RNF220: variants seen among roughly 807,000 people sequenced by gnomAD.
RNF220 encodes the protein ring finger protein 220.
RNF220 carries 7 observed loss-of-function variants against 67.1 expected under a neutral mutation model. The ratio of observed to expected loss-of-function variants is 0.10; its 90% CI spans 0.06 to 0.20. RNF220 has a LOEUF of 0.20. Among genes scored for constraint, RNF220 ranks in the 10% least tolerant of loss-of-function variants. The pLI is 1.00. For synonymous variants in RNF220, 270 were observed against 283.2 expected (o/e 0.95, Z 0.47); for missense variants, 565 against 740.3 (o/e 0.76, Z 2.75).
chr1:44,517,007 GAA>G (rs1392531769), intron 2 of RNF220, among the ~76,000 whole-genome samples: 1 of 152,066 alleles, frequency 6.6e-6, no homozygotes, highest in African/African-American at 2.4e-5. Flanking sequence ...GTCCAAGCCA[GAA>G]ACCTGGGAAT....
At chr1:44,589,348 C>T (rs1032632384) in intron 2 of RNF220, among the ~76,000 whole-genome samples, 2 of 152,194 alleles carry the variant, frequency 1.3e-5, no homozygotes, top group African/African-American at 4.8e-5. Flanking sequence ...GGCGTGGTGG[C>T]TCACGCCTGT....
intron 2 of RNF220, among the ~76,000 whole-genome samples, chr1:44,435,177 G>A (rs758874550): frequency 2.1e-4 from 32 of 152,036 alleles, no homozygotes; most frequent in Non-Finnish European, 4.4e-4. Context: ...AATCTGCAAC[G>A]GAGTGCGACA....
intron 2 of RNF220, among the ~76,000 whole-genome samples, chr1:44,526,088 C>T (rs899018903): frequency 1.3e-5 from 2 of 152,176 alleles, no homozygotes; most frequent in African/African-American, 4.8e-5. Flanking sequence ...ATTTCCTCAC[C>T]CTTTTGCCTT....
chr1:44,472,092 T>C (rs564676279), intron 2 of RNF220, among the ~76,000 whole-genome samples: 47 of 152,370 alleles, frequency 3.1e-4, no homozygotes, highest in Admixed American at 1.1e-3. Context: ...TGTATGGATG[T>C]ACCATATTTG....
chr1:44,600,112 G>A lies in RNF220; in HGVS notation c.626-14053G>A, dbSNP rs191892917. Reference sequence around the variant, plus strand: ...GACTGGAGTAAAGAGTAAAAATTAAGATTGTCAATTTAGGGAGGTCTCTGG... The same window carrying A: ...GACTGGAGTAAAGAGTAAAAATTAAAATTGTCAATTTAGGGAGGTCTCTGG... On this transcript the variant is annotated intron_variant, in intron 2 of 14. Transcript: ENST00000361799. The surrounding 1 kb of genome is among the most constrained non-coding windows in gnomAD (Gnocchi z 4.0). 3.5e-3 allele frequency among the ~76,000 whole-genome samples: 532 copies of A among 152,306 alleles called. 1 individual carries two copies. The highest frequency in any genetic ancestry group is 5.0e-3 in the Non-Finnish European group (339 of 68,018).
At chr1:44,566,257 C>T (rs1460363174) in intron 2 of RNF220, among the ~76,000 whole-genome samples, 1 of 152,184 alleles carries the variant, frequency 6.6e-6, no homozygotes, top group Non-Finnish European at 1.5e-5. Context: ...GAGAGGGTCC[C>T]TCTGGGGTCG....
intron 6 of RNF220, 101 bp from the exon 7 acceptor site, chr1:44,635,444 A>C: frequency 6.6e-7 from 1 of 1,525,096 alleles, no homozygotes; most frequent in South Asian, 1.3e-5. Flanking sequence ...AAAAAGGCCA[A>C]TGGCTGGCAA....
At chr1:44,558,836 C>T (rs925282814) in intron 2 of RNF220, among the ~76,000 whole-genome samples, 1 of 152,190 alleles carries the variant, frequency 6.6e-6, no homozygotes, top group Non-Finnish European at 1.5e-5. Flanking sequence ...GTTTTGGTCT[C>T]TTCTAGGTTA....
rs1667263008 is a variant in RNF220 at position 44,606,194 on chromosome 1, G to A, written c.626-7971G>A. Among the ~76,000 whole-genome samples the A allele has an allele frequency of 6.6e-6, 1 of 152,260 alleles. No homozygotes were observed. Among genetic ancestry groups the A allele is most frequent in the South Asian group, 2.1e-4 (1 of 4,830 alleles). On this transcript the variant is annotated intron_variant, in intron 2 of 14. Transcript: ENST00000361799. This position sits in a 1 kb window ranked among gnomAD's most constrained non-coding sequence, Gnocchi z 4.2. ...ACGTATTAATAAAACCAGCCGCATT[G>A]CTCTGGCCCGGAGACTGGGGAATGC...
intron 2 of RNF220, among the ~76,000 whole-genome samples, chr1:44,585,629 T>G (rs981645069): frequency 2.0e-5 from 3 of 152,144 alleles, no homozygotes; most frequent in Non-Finnish European, 4.4e-5. Flanking sequence ...TAGGGGCTGG[T>G]GACACAAGAG....
intron 2 of RNF220, among the ~76,000 whole-genome samples, chr1:44,528,759 C>T (rs1276539182): frequency 1.3e-5 from 2 of 151,966 alleles, no homozygotes; most frequent in Non-Finnish European, 2.9e-5. Context: ...GGATTACAGG[C>T]ATGTGCCACC....
chr1:44,626,423 T>A, intron 5 of RNF220, 25 bp downstream of exon 5: 22 of 1,583,924 alleles, frequency 1.4e-5, no homozygotes, highest in Non-Finnish European at 1.9e-5. Context: ...TGAGTGGCCA[T>A]GAGAAGCAAG....
intron 2 of RNF220, among the ~76,000 whole-genome samples, chr1:44,603,631 T>C (rs1487162601): frequency 6.6e-6 from 1 of 152,126 alleles, no homozygotes; most frequent in Non-Finnish European, 1.5e-5. Flanking sequence ...TGATGCTAAT[T>C]GATCTCCAGA....
chr1:44,526,501 CT>C (rs1207736456), intron 2 of RNF220, among the ~76,000 whole-genome samples: 1 of 152,174 alleles, frequency 6.6e-6, no homozygotes, highest in Non-Finnish European at 1.5e-5. Flanking sequence ...TGTGTCCTGA[CT>C]CAGTACTACT....
intron 2 of RNF220, among the ~76,000 whole-genome samples, chr1:44,593,504 C>T (rs1003346350): frequency 6.6e-6 from 1 of 151,664 alleles, no homozygotes; most frequent in African/African-American, 2.4e-5. Flanking sequence ...GCAAGAGGAT[C>T]GCTTGAGCCC....
At chr1:44,438,755 A>G (rs980465308) in intron 2 of RNF220, among the ~76,000 whole-genome samples, 35 of 152,210 alleles carry the variant, frequency 2.3e-4, no homozygotes, top group African/African-American at 8.4e-4. Flanking sequence ...AGAGAATAAA[A>G]CACATAGACA....
At position 44,650,870 on chromosome 1, in the gene RNF220, G is replaced by C. The variant is rs1394746057; in HGVS notation, c.*95G>C. ...CTCCCTTTGTACATACTTGCACACA[G>C]GTTCCCCATGTACATACATGCACAT... On this transcript the variant is annotated 3_prime_UTR_variant, in exon 15 of 15. Coordinates refer to ENST00000361799, the MANE Select transcript of RNF220 (RefSeq NM_018150.4). This position sits in a 1 kb window ranked among gnomAD's most constrained non-coding sequence, Gnocchi z 4.3. 2 of 1,104,130 alleles carry C rather than the reference G, an allele frequency of 1.8e-6. No homozygotes were observed. The highest frequency in any genetic ancestry group is 1.7e-5 in the Admixed American group (1 of 57,354). The allele number at this position is 1,104,130 out of a possible 1,614,324, so 68.4% of individuals were successfully genotyped here. A position where few individuals can be genotyped will look rare whatever the true frequency, so the allele number is the denominator to read the frequency against.
At position 44,467,113 on chromosome 1, in the gene RNF220, C is replaced by T. The variant is rs558425800; in HGVS notation, c.625+54391C>T. 3.3e-5 allele frequency among the ~76,000 whole-genome samples: 5 copies of T among 152,378 alleles called. No homozygotes were observed. The South Asian group carries it at 1.0e-3, about 32-fold the overall frequency. Reference sequence around the variant, plus strand: ...ATCTTCTGGTTAACTTGCAGCTTCTCCATCAGCACTTGCTACTCCACCTTG... The same window carrying T: ...ATCTTCTGGTTAACTTGCAGCTTCTTCATCAGCACTTGCTACTCCACCTTG... On this transcript the variant is annotated intron_variant, in intron 2 of 14. Transcript: ENST00000361799.
intron 2 of RNF220, among the ~76,000 whole-genome samples, chr1:44,590,157 G>C (rs1666014672): frequency 1.3e-5 from 2 of 152,322 alleles, no homozygotes; most frequent in East Asian, 3.9e-4. Flanking sequence ...CAAGGAGCAG[G>C]CTGGTACCAG....
Sources: allele counts gnomAD v4.1 joint callset (sites outside exome capture counted in the v4.1 genomes callset), GRCh38; gene constraint gnomAD v4.1.1; non-coding constraint Gnocchi (gnomAD v3.1); transcripts MANE v1.5; gene names NCBI Gene and HGNC (gene_info 2026-07-23, HGNC 2026-07-21).